Variants in MLLT10 observed in about 807,000 individuals in gnomAD.
The protein encoded by MLLT10 is MLLT10 histone lysine methyltransferase DOT1L cofactor.
A neutral mutation model predicts 129.1 loss-of-function variants in MLLT10; 30 were observed. The ratio of observed to expected loss-of-function variants is 0.23; its 90% CI spans 0.17 to 0.32. MLLT10 has a LOEUF of 0.32. Ranked by LOEUF, MLLT10 falls within the 10% of genes least tolerant of loss-of-function variation. MLLT10 has a pLI of 1.00. For missense variants in MLLT10, 1,119 were observed against 1,268.3 expected, an observed-to-expected ratio of 0.88 and a Z score of 1.79; for synonymous variants, 490 against 446.4, an observed-to-expected ratio of 1.10 and a Z score of -1.23.
At chr10:21,617,240 A>G (rs750920576) in intron 8 of MLLT10, 33 bp downstream of exon 8, 1 of 1,252,466 alleles carries the variant, frequency 8.0e-7, no homozygotes, top group South Asian at 2.0e-5. Flanking sequence ...AATTTGTAGC[A>G]CATCTACTTA....
chr10:21,582,886 T>C (rs1437489525), intron 3 of MLLT10, among the ~76,000 whole-genome samples: 1 of 152,158 alleles, frequency 6.6e-6, no homozygotes, highest in Non-Finnish European at 1.5e-5. Context: ...CAAGTGTCTA[T>C]GTAGGCTGGG....
At chr10:21,670,370 A>G in intron 9 of MLLT10, 79 bp from the exon 10 acceptor site, 3 of 1,346,490 alleles carry the variant, frequency 2.2e-6, no homozygotes, top group East Asian at 2.4e-5. Flanking sequence ...AGTTCTTCTT[A>G]TTAATGTGGC....
At chr10:21,690,972 A>T (rs1280836413) in intron 13 of MLLT10, among the ~76,000 whole-genome samples, 4 of 152,280 alleles carry the variant, frequency 2.6e-5, no homozygotes, top group Non-Finnish European at 5.9e-5. Flanking sequence ...GTAGGGAAGA[A>T]TGTCATTTAA....
intron 3 of MLLT10, chr10:21,564,441 G>C (rs544246187): frequency 6.6e-6 from 1 of 151,600 alleles, no homozygotes; most frequent in Non-Finnish European, 1.5e-5. Context: ...ATCTTTTCAG[G>C]TGCTTATTTG....
At chr10:21,547,847 C>A (rs1012235789) in intron 3 of MLLT10, among the ~76,000 whole-genome samples, 1 of 152,106 alleles carries the variant, frequency 6.6e-6, no homozygotes, top group Admixed American at 6.6e-5. Flanking sequence ...TATTTTGAAT[C>A]TTCTAAATAA....
intron 3 of MLLT10, among the ~76,000 whole-genome samples, chr10:21,548,278 C>G (rs2130934909): frequency 6.6e-6 from 1 of 152,108 alleles, no homozygotes; most frequent in South Asian, 2.1e-4. Context: ...GTAACCTTCT[C>G]ATTAACTTTT....
intron 8 of MLLT10, chr10:21,624,728 G>A (rs1341075664): frequency 2.3e-6 from 3 of 1,294,324 alleles, no homozygotes; most frequent in Admixed American, 1.8e-5. Flanking sequence ...TTGTTTGTTG[G>A]TCTGACGATG....
chr10:21,681,569 T>C (rs1228102170), intron 12 of MLLT10, among the ~76,000 whole-genome samples, 193 bp downstream of exon 12: 1 of 152,246 alleles, frequency 6.6e-6, no homozygotes, highest in African/African-American at 2.4e-5. Context: ...TACAGTCAAG[T>C]TGTGTACAAA....
intron 14 of MLLT10, among the ~76,000 whole-genome samples, chr10:21,717,792 T>TCTTCTTCTCCTC (rs2056812879): frequency 7.3e-6 from 1 of 136,148 alleles, no homozygotes; most frequent in Non-Finnish European, 1.6e-5. Context: ...TTCTTCTTCT[T>TCTTCTTCTCCTC]CTTCTTCTCC....
chr10:21,719,976 C>T (rs981228050), intron 14 of MLLT10, among the ~76,000 whole-genome samples: 2 of 152,078 alleles, frequency 1.3e-5, no homozygotes, highest in African/African-American at 2.4e-5. Flanking sequence ...AAGGTCTTTC[C>T]CAGTTCCAAA....
intron 3 of MLLT10, among the ~76,000 whole-genome samples, chr10:21,555,741 C>T (rs991556624): frequency 1.4e-5 from 2 of 145,810 alleles, no homozygotes; most frequent in East Asian, 2.0e-4. Context: ...GATCTTGGGT[C>T]GCCACAACCT....
At chr10:21,657,392 CAAAAAAAAAAA>C (rs904471815) in intron 9 of MLLT10, among the ~76,000 whole-genome samples, 24 of 49,778 alleles carry the variant, frequency 4.8e-4, no homozygotes, top group African/African-American at 5.2e-4. Context: ...GACTCTGTCT[CAAAAAAAAAAA>C]AAAAAAAAAA....
intron 16 of MLLT10, 106 bp from the exon 17 acceptor site, chr10:21,730,794 G>T: frequency 8.7e-7 from 1 of 1,148,662 alleles, no homozygotes; most frequent in Non-Finnish European, 1.3e-6. Context: ...TAGGCAGCCT[G>T]GTGTTATAAA....
intron 9 of MLLT10, among the ~76,000 whole-genome samples, chr10:21,664,571 A>T (rs2050555738): frequency 6.6e-6 from 1 of 151,918 alleles, no homozygotes; most frequent in East Asian, 1.9e-4. Flanking sequence ...CTGGGATTAC[A>T]GGCGTGCCCG....
chr10:21,653,405 C>T (rs1258098438), intron 9 of MLLT10, among the ~76,000 whole-genome samples: 2 of 152,106 alleles, frequency 1.3e-5, no homozygotes, highest in Non-Finnish European at 2.9e-5. Flanking sequence ...TCTAGAGCCT[C>T]TTTTTGTTTC....
chr10:21,608,658 G>T (rs1257548846), intron 5 of MLLT10, among the ~76,000 whole-genome samples: 1 of 151,776 alleles, frequency 6.6e-6, no homozygotes, highest in Non-Finnish European at 1.5e-5. Context: ...ATTTAATGGT[G>T]TCCCACATTT....
chr10:21,661,284 G>A (rs2050173864), intron 9 of MLLT10, among the ~76,000 whole-genome samples: 1 of 152,180 alleles, frequency 6.6e-6, no homozygotes, highest in Non-Finnish European at 1.5e-5. Flanking sequence ...GCTGTTGTTG[G>A]ACGAAGTAGT....
At chr10:21,640,517 T>C (rs1442000956) in intron 8 of MLLT10, among the ~76,000 whole-genome samples, 1 of 151,922 alleles carries the variant, frequency 6.6e-6, no homozygotes, top group African/African-American at 2.4e-5. Context: ...TCAGTAATTT[T>C]TGGTCATTTC....
At chr10:21,570,886 T>C (rs1156333758) in intron 3 of MLLT10, among the ~76,000 whole-genome samples, 1 of 152,160 alleles carries the variant, frequency 6.6e-6, no homozygotes, top group Non-Finnish European at 1.5e-5. Context: ...TAAATTTTGA[T>C]TGACTTTTTA....
Sources: gnomAD v4.1 joint callset for allele counts (sites outside exome capture counted in the v4.1 genomes callset) on GRCh38, gnomAD v4.1.1 for gene constraint, MANE v1.5 for transcripts, NCBI Gene and HGNC (gene_info 2026-07-23, HGNC 2026-07-21) for gene names.